Variants in BIRC2 observed in about 807,000 individuals in gnomAD.
BIRC2 encodes the protein baculoviral IAP repeat-containing protein 2.
Under a neutral mutation model 60.9 loss-of-function variants are expected in BIRC2, and 18 were observed. The ratio of observed to expected loss-of-function variants is 0.30; its 90% CI spans 0.20 to 0.44. The LOEUF is 0.44. BIRC2 is among the 20% of genes least tolerant of loss of function. The pLI, the probability that BIRC2 is intolerant of heterozygous loss-of-function variation, is 1.00. For missense variants in BIRC2, 701 were observed against 728.5 expected (o/e 0.96, Z 0.43); for synonymous variants, 282 against 247.7 (o/e 1.14, Z -1.30).
chr11:102,371,628 CTT>C (rs1347581387), intron 6 of BIRC2, among the ~76,000 whole-genome samples: 2 of 148,024 alleles, frequency 1.4e-5, no homozygotes, highest in African/African-American at 5.0e-5. Flanking sequence ...CTAAAATTCT[CTT>C]TTTTTGTTGT....
chr11:102,351,219 T>C (rs1951354863), intron 3 of BIRC2, among the ~76,000 whole-genome samples: 1 of 152,138 alleles, frequency 6.6e-6, no homozygotes, highest in African/African-American at 2.4e-5. Flanking sequence ...CAAAGACATA[T>C]AAAATAGATT....
Position 102,350,349 on chromosome 11 carries a change from A to G in BIRC2, c.495A>G (p.Ala165=), listed in dbSNP as rs200323748. Residue 165 remains alanine, a synonymous_variant, in exon 2 of 9, where the codon GCA becomes GCG. Coordinates refer to ENST00000227758, the MANE Select transcript of BIRC2 (RefSeq NM_001166.5). ...SLSPNPLNSR[A]VEDISSSRTN... is the part of the protein sequence containing the mutation. Reference sequence around the variant, plus strand: ...CTCCAAACCCTCTTAATTCTAGAGCAGTTGAAGACATCTCTTCATCGAGGA... The same window carrying G: ...CTCCAAACCCTCTTAATTCTAGAGCGGTTGAAGACATCTCTTCATCGAGGA... 244 of 1,614,222 alleles carry G rather than the reference A, an allele frequency of 1.5e-4. 2 individuals are homozygous for G. The East Asian group carries it at 5.4e-3, about 36-fold the overall frequency.
In BIRC2 at chr11:102,349,179, C is replaced by G. The variant is rs1406337401; in HGVS notation, c.-676C>G. On this transcript the variant is annotated 5_prime_UTR_variant, in exon 2 of 9. Transcript: ENST00000227758. ...TTGACATCAAGCACTATAGCAGGCA[C>G]AGGTTCAACAAAGCTTGTGGGTATT... 6.6e-6 allele frequency: 1 copy of G among 152,378 alleles called. No individual in the cohort carries two copies. Among genetic ancestry groups the G allele is most frequent in the Non-Finnish European group, 1.5e-5 (1 of 68,168 alleles). 9.4% of individuals were successfully genotyped at this position (152,378 alleles called of 1,614,324 possible). A position where few individuals can be genotyped will look rare whatever the true frequency, so the allele number is the denominator to read the frequency against.
intron 6 of BIRC2, among the ~76,000 whole-genome samples, chr11:102,372,293 C>G (rs1951641855): frequency 6.6e-6 from 1 of 152,176 alleles, no homozygotes; most frequent in Non-Finnish European, 1.5e-5. Flanking sequence ...CCTGCTTTCT[C>G]TTGAGGGCAT....
At chr11:102,373,876 C>G (rs1175569737) in intron 6 of BIRC2, among the ~76,000 whole-genome samples, 1 of 148,702 alleles carries the variant, frequency 6.7e-6, no homozygotes, top group Non-Finnish European at 1.5e-5. Flanking sequence ...TCTTTTTATT[C>G]TTTTTTCTCT....
intron 3 of BIRC2, among the ~76,000 whole-genome samples, chr11:102,352,335 C>T (rs909624680): frequency 1.3e-5 from 2 of 151,928 alleles, no homozygotes; most frequent in African/African-American, 4.8e-5. Flanking sequence ...AGGATGGTCT[C>T]GATCTCCTGA....
intron 3 of BIRC2, among the ~76,000 whole-genome samples, chr11:102,359,272 CATT>C (rs1951458006): frequency 6.6e-6 from 1 of 152,026 alleles, no homozygotes; most frequent in African/African-American, 2.4e-5. Flanking sequence ...TTTTTGATGT[CATT>C]ATTTGCATTT....
intron 5 of BIRC2, among the ~76,000 whole-genome samples, chr11:102,365,163 T>G (rs1037006519): frequency 6.6e-6 from 1 of 152,238 alleles, no homozygotes; most frequent in African/African-American, 2.4e-5. Flanking sequence ...TGAATTGTCC[T>G]TGCCCTTTTC....
chr11:102,364,173 A>ATATATATATATATATATG (rs1951522926), intron 5 of BIRC2, among the ~76,000 whole-genome samples: 1 of 97,704 alleles, frequency 1.0e-5, no homozygotes, highest in Non-Finnish European at 2.0e-5. Context: ...ATATATATAT[A>ATATATATATATATATATG]TACACACACA....
chr11:102,374,699 G>A (rs1951684626), intron 6 of BIRC2, among the ~76,000 whole-genome samples: 1 of 152,148 alleles, frequency 6.6e-6, no homozygotes, highest in African/African-American at 2.4e-5. Context: ...GCTCCACCCA[G>A]TTCGAGTTCC....
rs1951580776 is a variant in BIRC2 at position 102,368,610 on chromosome 11, T to G, written c.1366+62T>G. Reference sequence around the variant, plus strand: ...GTGGAGCTCTTAGGACTGTCTCACATGTTACAGGACACCATGCTTGTTTCA... The same window carrying G: ...GTGGAGCTCTTAGGACTGTCTCACAGGTTACAGGACACCATGCTTGTTTCA... On this transcript the variant is annotated intron_variant, in intron 6 of 8. Coordinates refer to ENST00000227758, the MANE Select transcript of BIRC2 (RefSeq NM_001166.5). 5 of 1,571,860 alleles carry G rather than the reference T, an allele frequency of 3.2e-6. No homozygotes were observed. The Admixed American group carries it at 9.1e-5, about 29-fold the overall frequency.
rs751715885 is a variant in BIRC2, at chr11:102,350,608, A to T, written c.754A>T (p.Asn252Tyr). The change falls in exon 2 of 9, where the codon AAT becomes TAT. Residue 252 changes from asparagine (N) to tyrosine (Y), a missense_variant. This residue lies in a region of BIRC2 where 375 missense variants were observed against 365.9 expected (regional missense o/e 1.02). Transcript: ENST00000227758. ...RHFPNCPFLENSLETLRFSIS... is the reference protein window; with the variant it reads ...RHFPNCPFLEYSLETLRFSIS... ...TTTTCCCAACTGTCCATTTTTGGAA[A>T]ATTCTCTAGAAACTCTGAGGTTTAG... is the stretch of plus-strand genomic sequence containing the variant. The T allele has an allele frequency of 1.2e-6, 2 of 1,614,158 alleles. No homozygotes were observed. Among genetic ancestry groups the T allele is most frequent in the Non-Finnish European group, 1.7e-6 (2 of 1,180,034 alleles).
At chr11:102,360,882 A>G (rs1591536894) in intron 3 of BIRC2, among the ~76,000 whole-genome samples, 1 of 151,584 alleles carries the variant, frequency 6.6e-6, no homozygotes, top group Admixed American at 6.6e-5. Flanking sequence ...TGGAAGGCCC[A>G]GCATTGTGAA....
intron 6 of BIRC2, among the ~76,000 whole-genome samples, chr11:102,371,714 A>G (rs1301669358): frequency 2.9e-4 from 43 of 146,390 alleles, no homozygotes; most frequent in African/African-American, 8.7e-4. Flanking sequence ...CTCTTTTTCT[A>G]TTGATTGGAA....
intron 5 of BIRC2, among the ~76,000 whole-genome samples, chr11:102,364,843 G>A (rs1271207659): frequency 2.0e-5 from 3 of 152,174 alleles, no homozygotes; most frequent in Non-Finnish European, 4.4e-5. Flanking sequence ...ACTATCTCCC[G>A]TGTAATAGAC....
chr11:102,368,585 G>A, intron 6 of BIRC2, 37 bp downstream of exon 6: 2 of 1,603,180 alleles, frequency 1.2e-6, no homozygotes, highest in Non-Finnish European at 1.7e-6. Flanking sequence ...TTGTTTCTCA[G>A]TGGAGCTCTT....
At chr11:102,367,193 G>T (rs1174055613) in intron 5 of BIRC2, among the ~76,000 whole-genome samples, 1 of 152,148 alleles carries the variant, frequency 6.6e-6, no homozygotes, top group Non-Finnish European at 1.5e-5. Flanking sequence ...CAGTAGCATG[G>T]GCTAGGTATA....
chr11:102,367,927 C>A (rs1951572429), intron 5 of BIRC2, among the ~76,000 whole-genome samples: 1 of 152,216 alleles, frequency 6.6e-6, no homozygotes, highest in South Asian at 2.1e-4. Flanking sequence ...CCCCCACTTT[C>A]CTGGCTGGAG....
intron 6 of BIRC2, among the ~76,000 whole-genome samples, chr11:102,374,392 G>C (rs879471710): frequency 1.7e-3 from 246 of 148,302 alleles, no homozygotes; most frequent in Admixed American, 4.9e-3. Context: ...TAACAGACAG[G>C]ACCCTCAGCT....
Sources: gnomAD v4.1 joint callset for allele counts (sites outside exome capture counted in the v4.1 genomes callset) on GRCh38, gnomAD v4.1.1 for gene constraint, gnomAD v4.1.1 regional missense constraint, MANE v1.5 for transcripts, NCBI Gene and HGNC (gene_info 2026-07-23, HGNC 2026-07-21) for gene names.